Variants in USH2A observed in about 807,000 individuals in gnomAD.
USH2A encodes the protein Usher syndrome 2A (autosomal recessive, mild).
USH2A carries 443 observed loss-of-function variants against 538.9 expected under a neutral mutation model. The observed-to-expected ratio is 0.82, with a 90% CI of 0.76 to 0.89. USH2A has a LOEUF of 0.89. Among genes scored for constraint, USH2A ranks in the 40% least tolerant of loss-of-function variants. USH2A has a pLI of 0.00. For missense variants in USH2A, 6,633 were observed against 6,324.8 expected (o/e 1.05, Z -1.65); for synonymous variants, 2,413 against 2,273.5 (o/e 1.06, Z -1.75).
At chr1:216,146,567 C>T (rs952565678) in intron 21 of USH2A, among the ~76,000 whole-genome samples, 4 of 152,210 alleles carry the variant, frequency 2.6e-5, no homozygotes, top group South Asian at 2.1e-4. Context: ...TCACCCTTAG[C>T]GGCAAGTCCC....
intron 27 of USH2A, among the ~76,000 whole-genome samples, chr1:216,076,495 C>A (rs2031756261): frequency 6.6e-6 from 1 of 152,002 alleles, no homozygotes; most frequent in African/African-American, 2.4e-5. Context: ...CAAGGCTGTA[C>A]ATGCAGGGTT....
chr1:216,022,348 G>A (rs769506977), intron 32 of USH2A, among the ~76,000 whole-genome samples: 3 of 152,146 alleles, frequency 2.0e-5, no homozygotes, highest in African/African-American at 2.4e-5. Flanking sequence ...ACCTCTGGGT[G>A]TGCTGTTAAC....
intron 47 of USH2A, among the ~76,000 whole-genome samples, chr1:215,835,145 A>G (rs1293257377): frequency 2.4e-5 from 2 of 82,516 alleles, no homozygotes; most frequent in Non-Finnish European, 4.7e-5. Flanking sequence ...TCCCCTTTTT[A>G]TCTTTAAGAG....
chr1:216,290,247 AAATAATC>A (rs1477028455), intron 10 of USH2A, among the ~76,000 whole-genome samples: 7 of 152,188 alleles, frequency 4.6e-5, no homozygotes, highest in Non-Finnish European at 7.4e-5. Flanking sequence ...AAGACTACAG[AAATAATC>A]AATAATCAAT....
chr1:216,002,651 G>A (rs1426751696), intron 32 of USH2A, among the ~76,000 whole-genome samples: 2 of 152,182 alleles, frequency 1.3e-5, no homozygotes, highest in African/African-American at 2.4e-5. Flanking sequence ...AGCCGCAACC[G>A]AGATTGGATG....
In USH2A at chr1:216,321,977, C is replaced by T. The variant is rs2037622753; in HGVS notation, c.1551-1G>A. On this transcript the variant is annotated splice_acceptor_variant, in intron 8 of 71. Coordinates refer to ENST00000307340, the MANE Select transcript of USH2A (RefSeq NM_206933.4). LOFTEE classifies it high-confidence loss of function. ...ATCGGCATGACCATGGCACTGACAT[C>T]TGCAAACATGAGCATCACACACTCC... 6.2e-7 allele frequency: 1 copy of T among 1,613,812 alleles called. No homozygotes were observed. Among genetic ancestry groups the T allele is most frequent in the Non-Finnish European group, 8.5e-7 (1 of 1,179,828 alleles).
intron 61 of USH2A, among the ~76,000 whole-genome samples, chr1:215,715,908 T>C (rs775879702): frequency 1.3e-5 from 2 of 152,198 alleles, no homozygotes; most frequent in Non-Finnish European, 2.9e-5. Context: ...ATTTGGACCA[T>C]ATGGCTCAAT....
chr1:216,352,356 T>C (rs1428466812), intron 4 of USH2A, among the ~76,000 whole-genome samples: 1 of 152,098 alleles, frequency 6.6e-6, no homozygotes, highest in Non-Finnish European at 1.5e-5. Context: ...GAAGAACGTA[T>C]ACCAAGGAGG....
At chr1:215,849,838 G>T (rs369128338) in intron 44 of USH2A, among the ~76,000 whole-genome samples, 21 of 152,236 alleles carry the variant, frequency 1.4e-4, no homozygotes, top group African/African-American at 4.1e-4. Flanking sequence ...TTTAATCCAA[G>T]AATTTTATAC....
In USH2A at chr1:216,135,656, C is replaced by G. The variant is rs1457235826; in HGVS notation, c.4628-38443G>C. Among the ~76,000 whole-genome samples the G allele has an allele frequency of 2.0e-5, 3 of 152,040 alleles. No homozygotes were observed. The East Asian group carries it at 5.8e-4, about 29-fold the overall frequency. ...GAAAATGAGTACTGTCAATGAACGA[C>G]TCTTTTCCGCTGGGCTTACATACAT... On this transcript the variant is annotated intron_variant, in intron 21 of 71. Transcript: ENST00000307340.
intron 21 of USH2A, among the ~76,000 whole-genome samples, chr1:216,127,275 A>G (rs1287608987): frequency 6.6e-6 from 1 of 152,212 alleles, no homozygotes. Flanking sequence ...AAACTCTTTC[A>G]TAAATGTACT....
intron 11 of USH2A, among the ~76,000 whole-genome samples, chr1:216,272,344 T>C (rs1302499820): frequency 1.3e-5 from 2 of 152,152 alleles, no homozygotes; most frequent in African/African-American, 4.8e-5. Context: ...AAATTTCTGA[T>C]GTTGGTAATT....
intron 13 of USH2A, among the ~76,000 whole-genome samples, chr1:216,246,182 C>G (rs1484741256): frequency 6.6e-6 from 1 of 152,148 alleles, no homozygotes; most frequent in Non-Finnish European, 1.5e-5. Flanking sequence ...ATTTAGCCAG[C>G]TTTATTCAGA....
intron 3 of USH2A, among the ~76,000 whole-genome samples, chr1:216,396,270 C>A (rs2039210302): frequency 6.6e-6 from 1 of 152,084 alleles, no homozygotes; most frequent in African/African-American, 2.4e-5. Context: ...GCTCAATAAC[C>A]AAACCTAATA....
chr1:215,681,318 A>AAC (rs1235797414), intron 61 of USH2A, among the ~76,000 whole-genome samples: 4 of 117,592 alleles, frequency 3.4e-5, no homozygotes, highest in Non-Finnish European at 5.5e-5. Context: ...TTCATAGGTA[A>AAC]ACACACACAC....
intron 32 of USH2A, among the ~76,000 whole-genome samples, chr1:216,026,106 T>C (rs1010105661): frequency 6.6e-6 from 1 of 152,150 alleles, no homozygotes; most frequent in Admixed American, 6.6e-5. Context: ...TCTCCTGTTC[T>C]AGGTTTGAAT....
chr1:216,321,389 A>G (rs1278426181), intron 9 of USH2A, among the ~76,000 whole-genome samples: 2 of 152,302 alleles, frequency 1.3e-5, no homozygotes, highest in East Asian at 3.9e-4. Flanking sequence ...CATAACTCAT[A>G]AATCATTTTA....
intron 13 of USH2A, among the ~76,000 whole-genome samples, chr1:216,237,015 A>G (rs1467197603): frequency 6.6e-6 from 1 of 152,202 alleles, no homozygotes. Flanking sequence ...TAATATATGT[A>G]TGTGTATGCA....
At chr1:215,847,104 AT>A (rs576296828) in intron 44 of USH2A, among the ~76,000 whole-genome samples, 175 of 152,130 alleles carry the variant, frequency 1.2e-3, no homozygotes, top group South Asian at 7.5e-3. Context: ...CCAGTCTATT[AT>A]TTTTTCTCCT....
Sources: allele counts gnomAD v4.1 joint callset (sites outside exome capture counted in the v4.1 genomes callset), GRCh38; gene constraint gnomAD v4.1.1; transcripts MANE v1.5; gene names NCBI Gene and HGNC (gene_info 2026-07-23, HGNC 2026-07-21).